Variants in GRIK2 observed in about 807,000 individuals in gnomAD.
GRIK2 encodes the protein glutamate ionotropic receptor kainate type subunit 2.
A neutral mutation model predicts 100.3 loss-of-function variants in GRIK2; 32 were observed. The observed-to-expected ratio is 0.32, with a 90% CI of 0.24 to 0.43. The LOEUF is 0.43. Among genes scored for constraint, GRIK2 ranks in the 20% least tolerant of loss-of-function variants. The pLI, the probability that GRIK2 is intolerant of heterozygous loss-of-function variation, is 1.00. For synonymous variants in GRIK2, 417 were observed against 389.4 expected, an observed-to-expected ratio of 1.07 and a Z score of -0.83; for missense variants, 843 against 1,114.9, an observed-to-expected ratio of 0.76 and a Z score of 3.47.
intron 14 of GRIK2, among the ~76,000 whole-genome samples, chr6:101,969,576 A>G (rs1187338416): frequency 6.6e-6 from 1 of 152,066 alleles, no homozygotes; most frequent in Non-Finnish European, 1.5e-5. Context: ...CTGTTTGACA[A>G]CTATGATAGA....
Position 101,813,550 on chromosome 6 carries a change from A to G in GRIK2, c.1204-4820A>G, listed in dbSNP as rs534908185. Among the ~76,000 whole-genome samples the G allele has an allele frequency of 2.0e-5, 3 of 152,338 alleles. No individual in the cohort carries two copies. In the East Asian group the frequency reaches 5.8e-4, roughly 29 times the overall value. On this transcript the variant is annotated intron_variant, in intron 9 of 16. Transcript: ENST00000369134. Reference sequence around the variant, plus strand: ...CAAATTCAGTTAAGCACAAAAAAAGATAGTTTTGAATAATGACTTTACAAA... The same window carrying G: ...CAAATTCAGTTAAGCACAAAAAAAGGTAGTTTTGAATAATGACTTTACAAA...
intron 2 of GRIK2, among the ~76,000 whole-genome samples, chr6:101,520,954 T>C (rs1456351440): frequency 6.6e-6 from 1 of 152,104 alleles, no homozygotes; most frequent in Non-Finnish European, 1.5e-5. Context: ...ATATTTTTTA[T>C]ACATAGGAAG....
intron 15 of GRIK2, among the ~76,000 whole-genome samples, chr6:102,042,207 T>C (rs993469821): frequency 1.3e-5 from 2 of 151,638 alleles, no homozygotes; most frequent in East Asian, 1.9e-4. Context: ...AAGACATGTT[T>C]AGTAAACAAT....
intron 14 of GRIK2, among the ~76,000 whole-genome samples, chr6:102,033,898 C>A (rs1770126856): frequency 6.6e-6 from 1 of 151,282 alleles, no homozygotes; most frequent in Non-Finnish European, 1.5e-5. Flanking sequence ...AAACTATATA[C>A]ATTTGTAAAG....
At chr6:101,812,389 T>A (rs1781386959) in intron 9 of GRIK2, among the ~76,000 whole-genome samples, 1 of 152,010 alleles carries the variant, frequency 6.6e-6, no homozygotes. Flanking sequence ...GCACTTAGAG[T>A]TTAACACAGC....
At chr6:101,494,038 T>TA (rs56201557) in intron 2 of GRIK2, among the ~76,000 whole-genome samples, 14 of 142,062 alleles carry the variant, frequency 9.9e-5, no homozygotes, top group African/African-American at 3.6e-4. Context: ...ATATAATTTA[T>TA]TATATAAAAT....
chr6:101,883,761 G>A (rs937595666), intron 11 of GRIK2, among the ~76,000 whole-genome samples: 2 of 152,130 alleles, frequency 1.3e-5, no homozygotes, highest in African/African-American at 4.8e-5. Context: ...CAAGCGTAAG[G>A]CCTGGAAAAA....
intron 2 of GRIK2, among the ~76,000 whole-genome samples, chr6:101,409,809 T>A (rs994728896): frequency 6.6e-6 from 1 of 151,810 alleles, no homozygotes; most frequent in Non-Finnish European, 1.5e-5. Flanking sequence ...TGAAAAAAAA[T>A]TGTTTATTTA....
intron 2 of GRIK2, among the ~76,000 whole-genome samples, chr6:101,445,955 A>C (rs1459031062): frequency 6.6e-6 from 1 of 152,016 alleles, no homozygotes; most frequent in Admixed American, 6.6e-5. Context: ...CTAATATTAT[A>C]ATCATTCCAT....
At chr6:102,006,138 C>A (rs1430617732) in intron 14 of GRIK2, among the ~76,000 whole-genome samples, 2 of 151,700 alleles carry the variant, frequency 1.3e-5, no homozygotes, top group African/African-American at 4.8e-5. Flanking sequence ...ACAATTTAGC[C>A]CATAGCACCA....
At chr6:101,879,655 G>T (rs548680003) in intron 11 of GRIK2, among the ~76,000 whole-genome samples, 2 of 144,326 alleles carry the variant, frequency 1.4e-5, no homozygotes, top group South Asian at 4.5e-4. Flanking sequence ...CTGCTTGCTT[G>T]TTAATTTGGT....
chr6:101,574,619 A>G (rs1387718075), intron 2 of GRIK2, among the ~76,000 whole-genome samples: 1 of 151,506 alleles, frequency 6.6e-6, no homozygotes, highest in African/African-American at 2.4e-5. Context: ...GTGTTTTCGG[A>G]CTACCTACTA....
intron 7 of GRIK2, among the ~76,000 whole-genome samples, chr6:101,701,106 A>G (rs1200119569): frequency 2.0e-5 from 3 of 152,116 alleles, no homozygotes; most frequent in Non-Finnish European, 4.4e-5. Context: ...AAGCTGAAAA[A>G]TTGTTTCTCA....
intron 2 of GRIK2, among the ~76,000 whole-genome samples, chr6:101,573,996 T>G (rs1310750186): frequency 6.6e-6 from 1 of 151,982 alleles, no homozygotes; most frequent in African/African-American, 2.4e-5. Context: ...TGCACGCAGT[T>G]ACCATCATGT....
rs1272797990 is a variant in GRIK2 at position 101,434,315 on chromosome 6, A to G, written c.115+34923A>G. On this transcript the variant is annotated intron_variant, in intron 2 of 16. Transcript: ENST00000369134. ...ACCCTAAAGAGTGACGTGGCCTGAG[A>G]GATGAGTTCTCATACAAGTCTCTCT... 2.6e-5 allele frequency among the ~76,000 whole-genome samples: 4 copies of G among 152,162 alleles called. No individual in the cohort carries two copies. The South Asian group carries it at 6.2e-4, about 24-fold the overall frequency.
intron 4 of GRIK2, among the ~76,000 whole-genome samples, chr6:101,672,112 T>C (rs1250474716): frequency 6.6e-6 from 1 of 152,152 alleles, no homozygotes; most frequent in Non-Finnish European, 1.5e-5. Flanking sequence ...TATGGAAATA[T>C]ATGAAGGTGA....
chr6:101,897,944 G>C (rs751188473), intron 12 of GRIK2, among the ~76,000 whole-genome samples: 4 of 151,830 alleles, frequency 2.6e-5, no homozygotes, highest in Non-Finnish European at 5.9e-5. Flanking sequence ...CTTTCAAATG[G>C]ATGGTTGTCT....
rs138146298 is a variant in GRIK2 at position 102,068,452 on chromosome 6, G to A, written c.2668G>A (p.Val890Ile). ...CCCAGTTATTGTGAAAACAGAAGAA[G>A]TTATCAACATGCACACATTTAACGA... ...QAPVIVKTEE[V>I]INMHTFNDRR... Residue 890 changes from valine to isoleucine, a missense_variant, in exon 17 of 17, where the codon GTT (valine) becomes ATT (isoleucine). Physicochemically the swap from Val to Ile is conservative, Grantham distance 29. Coordinates refer to ENST00000369134, the MANE Select transcript of GRIK2 (RefSeq NM_021956.5). 8 of 1,612,070 alleles carry A rather than the reference G, an allele frequency of 5.0e-6. No individual in the cohort carries two copies. In the Admixed American group the frequency reaches 1.0e-4, roughly 20 times the overall value.
chr6:101,817,905 T>C (rs1025431592), intron 9 of GRIK2, among the ~76,000 whole-genome samples: 2 of 152,218 alleles, frequency 1.3e-5, no homozygotes, highest in African/African-American at 4.8e-5. Context: ...TGCAAAATAC[T>C]ATTCAATGCT....
Sources: allele counts gnomAD v4.1 joint callset (sites outside exome capture counted in the v4.1 genomes callset), GRCh38; gene constraint gnomAD v4.1.1; transcripts MANE v1.5; gene names NCBI Gene and HGNC (gene_info 2026-07-23, HGNC 2026-07-21).